The following NIPAL2 variants were observed in gnomAD, a reference collection of about 807,000 sequenced individuals.
The protein encoded by NIPAL2 is NIPA-like protein 2.
In NIPAL2, 43 loss-of-function variants were observed where a neutral mutation model predicts 48.9. The observed-to-expected ratio is 0.88, with a 90% CI of 0.69 to 1.13. The LOEUF (loss-of-function observed/expected upper bound fraction) is 1.13, where lower values mean the gene tolerates loss of function less well. Ranked by LOEUF, NIPAL2 falls within the 50% of genes most tolerant of loss-of-function variation. NIPAL2 has a pLI of 0.00. For missense variants in NIPAL2, 446 were observed against 461.4 expected (o/e 0.97, Z 0.31); for synonymous variants, 167 against 174.6 (o/e 0.96, Z 0.34).
intron 4 of NIPAL2, among the ~76,000 whole-genome samples, chr8:98,232,527 T>C (rs1812487071): frequency 6.6e-6 from 1 of 152,190 alleles, no homozygotes; most frequent in African/African-American, 2.4e-5. Context: ...CATTATGTGA[T>C]AGGCCCTGTT....
intron 4 of NIPAL2, among the ~76,000 whole-genome samples, chr8:98,235,514 T>C (rs911365383): frequency 6.6e-6 from 1 of 152,176 alleles, no homozygotes; most frequent in African/African-American, 2.4e-5. Context: ...TTTTTTGTGG[T>C]TTTCATTTTT....
intron 1 of NIPAL2, among the ~76,000 whole-genome samples, chr8:98,269,941 G>T (rs536554330): frequency 1.3e-5 from 2 of 152,194 alleles, no homozygotes; most frequent in South Asian, 2.1e-4. Context: ...GCAGTATTTG[G>T]TTTTCTGTTT....
At chr8:98,195,835 T>C in intron 9 of NIPAL2, 107 bp downstream of exon 9, 1 of 704,718 alleles carries the variant, frequency 1.4e-6, no homozygotes. Flanking sequence ...AGGAAACTGA[T>C]GTTTCTTATA....
intron 1 of NIPAL2, among the ~76,000 whole-genome samples, chr8:98,287,421 A>AAGAGCTC (rs1816244506): frequency 6.6e-6 from 1 of 152,232 alleles, no homozygotes; most frequent in African/African-American, 2.4e-5. Context: ...AAGGGAGGCA[A>AAGAGCTC]ACATCAAAGA....
intron 1 of NIPAL2, among the ~76,000 whole-genome samples, chr8:98,262,626 AAGCAAGTCCTG>A (rs1243282451): frequency 6.6e-6 from 1 of 150,624 alleles, no homozygotes. Flanking sequence ...CAGATTCATA[AAGCAAGTCCTG>A]AGTGACCTAC....
intron 1 of NIPAL2, among the ~76,000 whole-genome samples, chr8:98,279,276 CT>C (rs1815658244): frequency 6.6e-6 from 1 of 152,148 alleles, no homozygotes; most frequent in Non-Finnish European, 1.5e-5. Flanking sequence ...GTAACCATTA[CT>C]AAATACTGCT....
intron 1 of NIPAL2, among the ~76,000 whole-genome samples, chr8:98,272,195 C>T (rs1408910233): frequency 1.3e-5 from 2 of 152,036 alleles, no homozygotes; most frequent in Non-Finnish European, 2.9e-5. Flanking sequence ...CTGGTGGATC[C>T]CAGGTCTATT....
At chr8:98,261,005 A>C (rs1304830835) in intron 1 of NIPAL2, among the ~76,000 whole-genome samples, 1 of 152,196 alleles carries the variant, frequency 6.6e-6, no homozygotes, top group African/African-American at 2.4e-5. Flanking sequence ...GGAGGCACCC[A>C]CCAGCAGGGC....
chr8:98,276,819 C>T (rs1344734292), intron 1 of NIPAL2, among the ~76,000 whole-genome samples: 1 of 150,746 alleles, frequency 6.6e-6, no homozygotes, highest in Non-Finnish European at 1.5e-5. Context: ...GTTGCCCAGG[C>T]TGAAGTGCAG....
chr8:98,292,395 A>T (rs1040790385), intron 1 of NIPAL2, among the ~76,000 whole-genome samples: 2 of 152,228 alleles, frequency 1.3e-5, no homozygotes, highest in Non-Finnish European at 2.9e-5. Context: ...ACCATCTTAT[A>T]AGAGGGCCTA....
intron 1 of NIPAL2, among the ~76,000 whole-genome samples, chr8:98,273,004 T>C (rs546232966): frequency 2.0e-5 from 3 of 152,218 alleles, no homozygotes; most frequent in Non-Finnish European, 2.9e-5. Flanking sequence ...AAGGTTATCA[T>C]TACAGAGAAG....
chr8:98,264,197 G>A (rs1814553890), intron 1 of NIPAL2, among the ~76,000 whole-genome samples: 1 of 145,660 alleles, frequency 6.9e-6, no homozygotes, highest in African/African-American at 2.5e-5. Flanking sequence ...AAAACTGGAA[G>A]CATTCCCTTT....
At chr8:98,266,045 C>G (rs1325691871) in intron 1 of NIPAL2, among the ~76,000 whole-genome samples, 1 of 147,686 alleles carries the variant, frequency 6.8e-6, no homozygotes. Context: ...AAAAACCAAA[C>G]ACCGCATATT....
At chr8:98,250,782 T>C (rs761981942) in intron 3 of NIPAL2, among the ~76,000 whole-genome samples, 68 of 152,108 alleles carry the variant, frequency 4.5e-4, no homozygotes, top group Non-Finnish European at 8.1e-4. Context: ...AGGACATTCT[T>C]TCTGAGTGGA....
chr8:98,243,368 A>G (rs1813099701), intron 3 of NIPAL2, among the ~76,000 whole-genome samples: 1 of 152,194 alleles, frequency 6.6e-6, no homozygotes, highest in African/African-American at 2.4e-5. Context: ...AGATAAAATA[A>G]AGGCCAAGCA....
In NIPAL2 at chr8:98,256,220, C is replaced by T. The variant is rs549053671; in HGVS notation, c.136-2133G>A. On this transcript the variant is annotated intron_variant, in intron 1 of 10. Transcript: ENST00000430223. ...TGTATTTTTAGTAGAGACGGCATTTCGCCATGTTGGTCAGGCTGGTCTCGA... is the reference window on the plus strand; with the variant it reads ...TGTATTTTTAGTAGAGACGGCATTTTGCCATGTTGGTCAGGCTGGTCTCGA... 6.6e-5 allele frequency among the ~76,000 whole-genome samples: 10 copies of T among 152,106 alleles called. No homozygotes were observed. In the East Asian group the frequency reaches 1.9e-3, roughly 29 times the overall value.
chr8:98,199,617 T>C (rs900391323), intron 8 of NIPAL2, among the ~76,000 whole-genome samples: 36 of 152,228 alleles, frequency 2.4e-4, no homozygotes, highest in African/African-American at 7.9e-4. Flanking sequence ...AAAACAATTA[T>C]GGTAGTAGCA....
intron 1 of NIPAL2, among the ~76,000 whole-genome samples, chr8:98,292,080 T>C (rs1816516603): frequency 1.3e-5 from 2 of 152,226 alleles, no homozygotes; most frequent in Admixed American, 1.3e-4. Context: ...ATATTTTAGT[T>C]GTGATAAAAC....
intron 1 of NIPAL2, among the ~76,000 whole-genome samples, chr8:98,280,464 A>G (rs1364998078): frequency 6.6e-6 from 1 of 152,038 alleles, no homozygotes; most frequent in Admixed American, 6.6e-5. Context: ...GATTTAGGTC[A>G]ACTAATTACT....
Sources: allele counts gnomAD v4.1 joint callset (sites outside exome capture counted in the v4.1 genomes callset), GRCh38; gene constraint gnomAD v4.1.1; transcripts MANE v1.5; gene names NCBI Gene and HGNC (gene_info 2026-07-23, HGNC 2026-07-21).